Variants in MACROD2 observed in about 807,000 individuals in gnomAD.
The protein encoded by MACROD2 is ADP-ribose glycohydrolase MACROD2.
In MACROD2, 36 loss-of-function variants were observed where a neutral mutation model predicts 70.4. That is an observed-to-expected ratio of 0.51 (90% CI 0.39 to 0.68). The LOEUF (loss-of-function observed/expected upper bound fraction) is 0.68, where lower values mean the gene tolerates loss of function less well. MACROD2 is among the 30% of genes least tolerant of loss of function. The pLI is 0.00. For synonymous variants in MACROD2, 172 were observed against 178.8 expected (o/e 0.96, Z 0.30); for missense variants, 496 against 538.4 (o/e 0.92, Z 0.78).
At chr20:15,585,380 TAG>T (rs1435682639) in intron 8 of MACROD2, among the ~76,000 whole-genome samples, 1 of 151,994 alleles carries the variant, frequency 6.6e-6, no homozygotes, top group Admixed American at 6.6e-5. Context: ...GTATTTTTAG[TAG>T]AGACAGGATT....
chr20:14,859,520 C>G (rs948988004), intron 5 of MACROD2, among the ~76,000 whole-genome samples: 4 of 152,134 alleles, frequency 2.6e-5, no homozygotes, highest in African/African-American at 9.7e-5. Flanking sequence ...GAGTACCCAT[C>G]ATATTCAATA....
intron 6 of MACROD2, among the ~76,000 whole-genome samples, chr20:15,317,702 C>T (rs6131661): frequency 2.6e-5 from 4 of 151,316 alleles, no homozygotes; most frequent in African/African-American, 9.7e-5. Flanking sequence ...CAGTTTGAGT[C>T]TAAAGGCAGA....
At chr20:15,526,843 TAGA>T (rs1257775006) in intron 8 of MACROD2, among the ~76,000 whole-genome samples, 2 of 152,140 alleles carry the variant, frequency 1.3e-5, no homozygotes, top group African/African-American at 2.4e-5. Context: ...AGATAGCAAA[TAGA>T]AGATAATGAC....
At chr20:14,492,763 G>T (rs2084808830) in intron 3 of MACROD2, among the ~76,000 whole-genome samples, 1 of 152,032 alleles carries the variant, frequency 6.6e-6, no homozygotes, top group South Asian at 2.1e-4. Context: ...ATGCTTTCTG[G>T]TTATTATATT....
At chr20:14,686,695 G>A (rs986398691) in intron 5 of MACROD2, among the ~76,000 whole-genome samples, 2 of 152,102 alleles carry the variant, frequency 1.3e-5, no homozygotes, top group Non-Finnish European at 2.9e-5. Context: ...TACCATCTCG[G>A]TTTGTGTAAG....
At chr20:15,526,463 G>A (rs1418855933) in intron 8 of MACROD2, among the ~76,000 whole-genome samples, 1 of 152,186 alleles carries the variant, frequency 6.6e-6, no homozygotes, top group Non-Finnish European at 1.5e-5. Flanking sequence ...ACCCAAAGAT[G>A]TGAATAGGTG....
At chr20:14,169,386 C>A (rs1261429015) in intron 3 of MACROD2, among the ~76,000 whole-genome samples, 5 of 152,018 alleles carry the variant, frequency 3.3e-5, no homozygotes, top group Admixed American at 3.3e-4. Context: ...CTCACTGCAA[C>A]CTCCGCCTAC....
chr20:14,717,411 T>C (rs2071409462), intron 5 of MACROD2, among the ~76,000 whole-genome samples: 1 of 152,162 alleles, frequency 6.6e-6, no homozygotes, highest in Non-Finnish European at 1.5e-5. Context: ...ATCTCTTTCC[T>C]TGAAAAGACT....
chr20:14,249,512 G>A (rs183545543), intron 3 of MACROD2, among the ~76,000 whole-genome samples: 28 of 152,090 alleles, frequency 1.8e-4, no homozygotes, highest in Admixed American at 6.5e-4. Flanking sequence ...CAGCACTTGA[G>A]GGTTGGAGAG....
At chr20:14,339,904 A>G (rs1009280896) in intron 3 of MACROD2, among the ~76,000 whole-genome samples, 3 of 152,172 alleles carry the variant, frequency 2.0e-5, no homozygotes, top group Non-Finnish European at 4.4e-5. Context: ...CCAAAAATAT[A>G]TACTCTTTTG....
chr20:14,195,460 G>A (rs191066346), intron 3 of MACROD2, among the ~76,000 whole-genome samples: 4 of 151,962 alleles, frequency 2.6e-5, no homozygotes, highest in Non-Finnish European at 5.9e-5. Flanking sequence ...CTAGGGCTCC[G>A]CCTCCAGGCC....
chr20:15,675,547 C>A (rs16996363), intron 8 of MACROD2, among the ~76,000 whole-genome samples: 25,624 of 152,062 alleles, frequency 0.17, 2,144 homozygotes, highest in African/African-American at 0.19. Context: ...AACAGTTTAG[C>A]GCTGGCAACC....
At chr20:15,390,199 G>A (rs1003275673) in intron 6 of MACROD2, among the ~76,000 whole-genome samples, 13 of 152,052 alleles carry the variant, frequency 8.5e-5, no homozygotes, top group African/African-American at 1.4e-4. Flanking sequence ...CCTGTCACTC[G>A]TCCTAGGAGG....
rs569214960 is a variant in MACROD2 at position 14,862,956 on chromosome 20, C to T, written c.418+177997C>T. The stretch of plus-strand genomic sequence containing the variant: ...TACAAAAATGCTGATGTGGATGCCA[C>T]GGCTTCCTCCTTTCACACAGAAGAT... On this transcript the variant is annotated intron_variant, in intron 5 of 17. Coordinates refer to ENST00000684519, the MANE Select transcript of MACROD2 (RefSeq NM_001351661.2). Among the ~76,000 whole-genome samples the T allele has an allele frequency of 1.5e-4, 22 of 151,600 alleles. No homozygotes were observed. The East Asian group carries it at 2.0e-3, about 14-fold the overall frequency.
intron 4 of MACROD2, among the ~76,000 whole-genome samples, chr20:14,668,548 C>T (rs912258499): frequency 3.3e-5 from 5 of 152,094 alleles, no homozygotes; most frequent in Non-Finnish European, 1.5e-5. Flanking sequence ...CCATAGGTTC[C>T]ATTGGCAAAT....
At chr20:14,453,595 G>A (rs565103059) in intron 3 of MACROD2, among the ~76,000 whole-genome samples, 2 of 152,098 alleles carry the variant, frequency 1.3e-5, no homozygotes, top group Non-Finnish European at 2.9e-5. Context: ...TGTGTCGAAT[G>A]TTGGACATAA....
chr20:14,080,924 T>G (rs1383038168), intron 2 of MACROD2, among the ~76,000 whole-genome samples: 1 of 152,200 alleles, frequency 6.6e-6, no homozygotes, highest in African/African-American at 2.4e-5. Context: ...CACCACACCT[T>G]TTCATGTATG....
intron 5 of MACROD2, among the ~76,000 whole-genome samples, chr20:14,969,403 T>C (rs913786): frequency 0.13 from 15,687 of 122,250 alleles, 1,028 homozygotes; most frequent in East Asian, 0.31. Flanking sequence ...CACACACACA[T>C]ATATAAGCAT....
At chr20:14,001,407 C>T (rs921451702) in intron 1 of MACROD2, among the ~76,000 whole-genome samples, 3 of 151,438 alleles carry the variant, frequency 2.0e-5, no homozygotes, top group African/African-American at 7.3e-5. Context: ...TAAAGCAATT[C>T]TTATATCATC....
Sources: gnomAD v4.1 joint callset for allele counts (sites outside exome capture counted in the v4.1 genomes callset) on GRCh38, gnomAD v4.1.1 for gene constraint, MANE v1.5 for transcripts, NCBI Gene and HGNC (gene_info 2026-07-23, HGNC 2026-07-21) for gene names.